WSCD1: variants seen among roughly 807,000 people sequenced by gnomAD.
WSCD1 encodes the protein sialate:O-sulfotransferase 1.
WSCD1 carries 41 observed loss-of-function variants against 60.4 expected under a neutral mutation model. The ratio of observed to expected loss-of-function variants is 0.68; its 90% CI spans 0.53 to 0.88. The LOEUF (loss-of-function observed/expected upper bound fraction) is 0.88. Ranked by LOEUF, WSCD1 falls within the 40% of genes least tolerant of loss-of-function variation. The pLI is 0.00. For synonymous variants in WSCD1, 361 were observed against 332.5 expected, an observed-to-expected ratio of 1.09 and a Z score of -0.93; for missense variants, 784 against 796.2, an observed-to-expected ratio of 0.98 and a Z score of 0.18.
intron 1 of WSCD1, among the ~76,000 whole-genome samples, chr17:6,078,531 G>A (rs960487352): frequency 2.0e-5 from 3 of 152,144 alleles, no homozygotes; most frequent in Non-Finnish European, 4.4e-5. Flanking sequence ...CTGTGGTTCC[G>A]GTTCCCGGTG....
chr17:6,088,720 G>A (rs995119970), intron 3 of WSCD1, among the ~76,000 whole-genome samples: 3 of 151,822 alleles, frequency 2.0e-5, no homozygotes, highest in Non-Finnish European at 4.4e-5. Flanking sequence ...ACACACATCT[G>A]AGAGAGGTGG....
chr17:6,083,830 G>A (rs2150534804), intron 2 of WSCD1, among the ~76,000 whole-genome samples: 1 of 152,104 alleles, frequency 6.6e-6, no homozygotes, highest in Middle Eastern at 3.4e-3. Context: ...ACCAGCAGAG[G>A]GGAGGGCTCA....
intron 7 of WSCD1, among the ~76,000 whole-genome samples, 160 bp from the exon 8 acceptor site, chr17:6,117,828 C>T (rs1442153769): frequency 1.3e-5 from 2 of 152,108 alleles, no homozygotes; most frequent in African/African-American, 4.8e-5. Context: ...CTGTGGAGGC[C>T]GTTCCTATCA....
At chr17:6,081,529 G>A (rs1295602897) in intron 2 of WSCD1, among the ~76,000 whole-genome samples, 2 of 151,964 alleles carry the variant, frequency 1.3e-5, no homozygotes, top group Non-Finnish European at 2.9e-5. Context: ...TGGCCAACAT[G>A]GTGAAAGCCC....
intron 7 of WSCD1, among the ~76,000 whole-genome samples, chr17:6,111,647 G>A (rs1208925457): frequency 3.4e-5 from 5 of 146,224 alleles, no homozygotes; most frequent in African/African-American, 1.0e-4. Context: ...GTTGCAGTGA[G>A]TCGAGATTAT....
chr17:6,076,078 C>T (rs1047818112), intron 1 of WSCD1, among the ~76,000 whole-genome samples: 6 of 152,112 alleles, frequency 3.9e-5, no homozygotes, highest in African/African-American at 9.7e-5. Context: ...CGTGTGAAAC[C>T]GGAGCTGGGA....
chr17:6,087,579 G>A (rs191171861), intron 2 of WSCD1, among the ~76,000 whole-genome samples: 34 of 152,318 alleles, frequency 2.2e-4, no homozygotes, highest in African/African-American at 6.3e-4. Context: ...AGGAGGCAAC[G>A]ACCCTGTCTC....
intron 1 of WSCD1, among the ~76,000 whole-genome samples, chr17:6,077,147 G>C (rs1908918662): frequency 6.7e-6 from 1 of 149,736 alleles, no homozygotes; most frequent in South Asian, 2.1e-4. Flanking sequence ...GGAGTGCAGT[G>C]GTGTGATCTT....
Position 6,080,841 on chromosome 17 carries a change from G to A in WSCD1, c.183G>A (p.Ala61=), listed in dbSNP as rs201207220. 145 of 1,606,918 alleles carry A rather than the reference G, an allele frequency of 9.0e-5. No individual in the cohort carries two copies. In the African/African-American group the frequency reaches 1.2e-3, roughly 13 times the overall value. Residue 61 remains alanine (A), a synonymous_variant, in exon 2 of 9, where the codon GCG becomes GCA. Transcript: ENST00000317744. The surrounding 1 kb of genome is among the most constrained non-coding windows in gnomAD (Gnocchi z 6.6). ...PLQTLPVAAV[A]LGVGLLDSRA... is the part of the protein sequence containing the mutation. Reference sequence around the variant, plus strand: ...AGACCTTGCCAGTGGCCGCCGTGGCGCTGGGCGTGGGCTTGCTGGACAGCA... The same window carrying A: ...AGACCTTGCCAGTGGCCGCCGTGGCACTGGGCGTGGGCTTGCTGGACAGCA...
At chr17:6,091,246 A>G (rs1282292016) in intron 4 of WSCD1, among the ~76,000 whole-genome samples, 3 of 152,214 alleles carry the variant, frequency 2.0e-5, no homozygotes, top group African/African-American at 4.8e-5. Context: ...AAAATTCCCT[A>G]ACTATAAAGC....
chr17:6,081,620 A>G (rs1909279426), intron 2 of WSCD1, among the ~76,000 whole-genome samples: 2 of 151,972 alleles, frequency 1.3e-5, no homozygotes, highest in South Asian at 4.2e-4. Context: ...CTGAGGTACC[A>G]GAATCGCTGG....
rs867067169 is a variant in WSCD1 at position 6,119,333 on chromosome 17, A to G, written c.1376-976A>G. Among the ~76,000 whole-genome samples the G allele has an allele frequency of 2.4e-4, 37 of 152,346 alleles. 1 individual carries two copies. The highest frequency in any genetic ancestry group is 8.4e-4 in the African/African-American group (35 of 41,576). Reference sequence around the variant, plus strand: ...CTTCCTGGGTGCCAGGCATGGGGCAAGGTACCAGGAGCGCAGGCTGATGAG... The same window carrying G: ...CTTCCTGGGTGCCAGGCATGGGGCAGGGTACCAGGAGCGCAGGCTGATGAG... On this transcript the variant is annotated intron_variant, in intron 8 of 8. Transcript: ENST00000317744.
intron 3 of WSCD1, 97 bp from the exon 4 acceptor site, chr17:6,090,224 A>G (rs1909933613): frequency 3.2e-6 from 4 of 1,261,112 alleles, no homozygotes; most frequent in Non-Finnish European, 4.2e-6. Context: ...AAAAAAACAT[A>G]CTTTCTAATC....
chr17:6,097,060 G>T (rs1910484121), intron 5 of WSCD1, among the ~76,000 whole-genome samples: 1 of 152,254 alleles, frequency 6.6e-6, no homozygotes, highest in South Asian at 2.1e-4. Flanking sequence ...GCACAGAGTG[G>T]CCGGCTTTGC....
At position 6,120,792 on chromosome 17, in the gene WSCD1, C is replaced by A. The variant is rs1376236681; in HGVS notation, c.*131C>A. 9 of 922,322 alleles carry A rather than the reference C, an allele frequency of 9.8e-6. No homozygotes were observed. Among genetic ancestry groups the A allele is most frequent in the Non-Finnish European group, 1.4e-5 (9 of 626,802 alleles). 57.1% of individuals were successfully genotyped at this position (922,322 alleles called of 1,614,324 possible). A position where few individuals can be genotyped will look rare whatever the true frequency, so the allele number is the denominator to read the frequency against. On this transcript the variant is annotated 3_prime_UTR_variant, in exon 9 of 9. Transcript: ENST00000317744. Reference sequence around the variant, plus strand: ...GGGTGGGGGGCTCACCCTGGTGCTGCCTCCCGCACAAGGAGACCTGGACAC... The same window carrying A: ...GGGTGGGGGGCTCACCCTGGTGCTGACTCCCGCACAAGGAGACCTGGACAC...
intron 5 of WSCD1, among the ~76,000 whole-genome samples, chr17:6,098,242 G>T (rs1426775650): frequency 6.6e-6 from 1 of 152,152 alleles, no homozygotes; most frequent in Admixed American, 6.5e-5. Flanking sequence ...AAAGTGCTGG[G>T]ATTACAAGCA....
intron 4 of WSCD1, among the ~76,000 whole-genome samples, chr17:6,091,421 A>G (rs1910034401): frequency 1.3e-5 from 2 of 152,154 alleles, no homozygotes; most frequent in South Asian, 4.1e-4. Flanking sequence ...AGCGGAGGGA[A>G]GTCGCCAGGC....
At chr17:6,120,049 G>C (rs544807333) in intron 8 of WSCD1, among the ~76,000 whole-genome samples, 18 of 152,302 alleles carry the variant, frequency 1.2e-4, no homozygotes, top group African/African-American at 4.3e-4. Context: ...CGCTGACTTA[G>C]CTTTATAGGA....
chr17:6,098,875 G>C (rs935594690), intron 5 of WSCD1, among the ~76,000 whole-genome samples: 1 of 152,194 alleles, frequency 6.6e-6, no homozygotes, highest in African/African-American at 2.4e-5. Flanking sequence ...GCCTGAAGAA[G>C]GTGAAGAAGG....
Sources: gnomAD v4.1 joint callset for allele counts (sites outside exome capture counted in the v4.1 genomes callset) on GRCh38, gnomAD v4.1.1 for gene constraint, Gnocchi (gnomAD v3.1) non-coding constraint, MANE v1.5 for transcripts, NCBI Gene and HGNC (gene_info 2026-07-23, HGNC 2026-07-21) for gene names.